Variants in PHACTR2 observed in about 807,000 individuals in gnomAD.
PHACTR2 encodes the protein chromosome 6 open reading frame 56.
PHACTR2 carries 30 observed loss-of-function variants against 76.0 expected under a neutral mutation model. That is an observed-to-expected ratio of 0.39 (90% CI 0.30 to 0.54). The LOEUF is 0.54. Ranked by LOEUF, PHACTR2 falls within the 20% of genes least tolerant of loss-of-function variation. The pLI is 0.61. For synonymous variants in PHACTR2, 292 were observed against 292.5 expected (o/e 1.00, Z 0.02); for missense variants, 696 against 781.1 (o/e 0.89, Z 1.30).
At chr6:143,746,326 T>C (rs1320496032) in intron 2 of PHACTR2, among the ~76,000 whole-genome samples, 3 of 152,262 alleles carry the variant, frequency 2.0e-5, no homozygotes, top group African/African-American at 7.2e-5. Flanking sequence ...GGCAGCCATT[T>C]TGTGTTTTGG....
At position 143,608,235 on chromosome 6, in the gene PHACTR2, G is replaced by A; in HGVS notation, c.-75G>A. 1 of 1,494,054 alleles carries A rather than the reference G, an allele frequency of 6.7e-7. No individual in the cohort carries two copies. The highest frequency in any genetic ancestry group is 9.3e-7 in the Non-Finnish European group (1 of 1,072,162). The allele number at this position is 1,494,054 out of a possible 1,614,324, so 92.5% of individuals were successfully genotyped here. A position where few individuals can be genotyped will look rare whatever the true frequency, so the allele number is the denominator to read the frequency against. On this transcript the variant is annotated 5_prime_UTR_variant, in exon 1 of 12. Transcript: ENST00000305766. This position sits in a 1 kb window ranked among gnomAD's most constrained non-coding sequence, Gnocchi z 4.6. ...AGGGCTGATAATCAGCAGAAGGACAGGGTGCTTCGTTAGTCAGAAGAGCCA... is the reference window on the plus strand; with the variant it reads ...AGGGCTGATAATCAGCAGAAGGACAAGGTGCTTCGTTAGTCAGAAGAGCCA...
Position 143,550,010 on chromosome 6 carries a change from C to T in PHACTR2, c.217+12803C>T, listed in dbSNP as rs1305618427. On this transcript the variant is annotated intron_variant, in intron 1 of 11. Transcript: ENST00000367584. This position sits in a 1 kb window ranked among gnomAD's most constrained non-coding sequence, Gnocchi z 4.8. ...TTACACCAGAAAGTGCCAAGGCTAC[C>T]ATTTTTTGCTAGGTGGGAGTTGGAG... Among the ~76,000 whole-genome samples the T allele has an allele frequency of 2.6e-5, 4 of 151,974 alleles. No individual in the cohort carries two copies. Among genetic ancestry groups the T allele is most frequent in the African/African-American group, 9.7e-5 (4 of 41,418 alleles).
rs535010983 is a variant in PHACTR2, at chr6:143,638,286, T to C, written c.13+29964T>C. ...CAGGTGCAGTGGCTCATGCCTATCA[T>C]CCCAGCACTTTGGGAAGCCAAGGTG... On this transcript the variant is annotated intron_variant, in intron 1 of 11. Coordinates refer to the PHACTR2 transcript ENST00000305766. Among the ~76,000 whole-genome samples, 34 of 152,246 alleles carry C rather than the reference T, an allele frequency of 2.2e-4. 1 individual carries two copies. The South Asian group carries it at 6.0e-3, about 27-fold the overall frequency.
At chr6:143,579,761 A>G (rs1055113754) in intron 1 of PHACTR2, among the ~76,000 whole-genome samples, 1 of 144,652 alleles carries the variant, frequency 6.9e-6, no homozygotes, top group Non-Finnish European at 1.5e-5. Flanking sequence ...TTGCTGTATG[A>G]AAAACTACCC....
At position 143,708,387 on chromosome 6, in the gene PHACTR2, C is replaced by A. The variant is rs1337109591; in HGVS notation, c.47-3629C>A. On this transcript the variant is annotated intron_variant, in intron 1 of 12. Coordinates refer to ENST00000440869, the MANE Select transcript of PHACTR2 (RefSeq NM_001100164.2). This position sits in a 1 kb window ranked among gnomAD's most constrained non-coding sequence, Gnocchi z 5.5. ...ATGCTGTGTTTTAAAATGTAGAACT[C>A]AAGTGTGAAAAGGTAAGTTCTGATG... Among the ~76,000 whole-genome samples, 1 of 152,024 alleles carries A rather than the reference C, an allele frequency of 6.6e-6. No individual in the cohort carries two copies. Among genetic ancestry groups the A allele is most frequent in the African/African-American group, 2.4e-5 (1 of 41,358 alleles).
chr6:143,690,771 C>A (rs562899799), intron 1 of PHACTR2, among the ~76,000 whole-genome samples: 1 of 152,204 alleles, frequency 6.6e-6, no homozygotes, highest in South Asian at 2.1e-4. Flanking sequence ...ATTTTATGGA[C>A]GTTTAAAAGT....
At chr6:143,552,068 G>A (rs768010609) in intron 1 of PHACTR2, among the ~76,000 whole-genome samples, 7 of 152,188 alleles carry the variant, frequency 4.6e-5, no homozygotes, top group Non-Finnish European at 1.0e-4. Context: ...ACTTTGAGTA[G>A]TAGACTTTTG....
Position 143,634,263 on chromosome 6 carries a change from T to C in PHACTR2, c.13+25941T>C, listed in dbSNP as rs1244351194. 3.9e-5 allele frequency among the ~76,000 whole-genome samples: 6 copies of C among 152,228 alleles called. No individual in the cohort carries two copies. The East Asian group carries it at 1.2e-3, about 29-fold the overall frequency. Reference sequence around the variant, plus strand: ...GTCCTAATATATGTTCTAAGTTCTCTTCTGGAAAGTTACATCTTAAGAATG... The same window carrying C: ...GTCCTAATATATGTTCTAAGTTCTCCTCTGGAAAGTTACATCTTAAGAATG... On this transcript the variant is annotated intron_variant, in intron 1 of 11. Transcript: ENST00000305766.
chr6:143,726,445 C>G (rs950904564), intron 2 of PHACTR2, among the ~76,000 whole-genome samples: 2 of 152,166 alleles, frequency 1.3e-5, no homozygotes, highest in East Asian at 3.8e-4. Context: ...TTTGCCCCCC[C>G]AGTAACCCAC....
intron 6 of PHACTR2, among the ~76,000 whole-genome samples, chr6:143,771,156 A>ATATG (rs1187035666): frequency 2.7e-4 from 11 of 40,158 alleles, no homozygotes; most frequent in African/African-American, 1.3e-3. Context: ...ATATATATAT[A>ATATG]TGTATATATA....
rs1350415580 is a variant in PHACTR2, at chr6:143,783,295, A to G, written c.1707+15A>G. ...TCAGCAGAAAGGTAATGAAATCATA[A>G]CTATTAATGAGCATATGTGTTTTGA... On this transcript the variant is annotated intron_variant, in intron 10 of 12. Coordinates refer to ENST00000440869, the MANE Select transcript of PHACTR2 (RefSeq NM_001100164.2). The surrounding 1 kb of genome is among the most constrained non-coding windows in gnomAD (Gnocchi z 5.2). The G allele has an allele frequency of 3.3e-6, 5 of 1,534,218 alleles. No homozygotes were observed. Among genetic ancestry groups the G allele is most frequent in the Non-Finnish European group, 4.5e-6 (5 of 1,108,564 alleles).
In PHACTR2 at chr6:143,824,751, T is replaced by G. The variant is rs1417535537; in HGVS notation, c.*1062T>G. On this transcript the variant is annotated 3_prime_UTR_variant, in exon 13 of 13. Transcript: ENST00000440869. The surrounding 1 kb of genome is among the most constrained non-coding windows in gnomAD (Gnocchi z 6.3). ...GACTAGTTATTTTTTTAGTGCTGCA[T>G]TTTTTTAAAGTTGGATTGCTGCTAT... The G allele has an allele frequency of 6.6e-6, 1 of 152,310 alleles. No homozygotes were observed. The highest frequency in any genetic ancestry group is 2.4e-5 in the African/African-American group (1 of 41,342). The allele number at this position is 152,310 out of a possible 1,614,324, so 9.4% of individuals were successfully genotyped here. A position where few individuals can be genotyped will look rare whatever the true frequency, so the allele number is the denominator to read the frequency against.
Position 143,554,530 on chromosome 6 carries a change from A to G in PHACTR2, c.217+17323A>G, listed in dbSNP as rs886646290. The G allele has an allele frequency of 1.3e-5, 2 of 152,316 alleles. No individual in the cohort carries two copies. Among genetic ancestry groups the G allele is most frequent in the African/African-American group, 4.8e-5 (2 of 41,448 alleles). 9.4% of individuals were successfully genotyped at this position (152,316 alleles called of 1,614,324 possible). The stretch of plus-strand genomic sequence containing the variant: ...CAGTGGATGGAAAATTACTAAAAGG[A>G]AACGTCAGCGTTAGAGCAGTCTTGC... On this transcript the variant is annotated intron_variant, in intron 1 of 11. Coordinates refer to the PHACTR2 transcript ENST00000367584. This position sits in a 1 kb window ranked among gnomAD's most constrained non-coding sequence, Gnocchi z 5.9.
At chr6:143,660,907 G>C (rs2128448332) in intron 1 of PHACTR2, among the ~76,000 whole-genome samples, 1 of 152,232 alleles carries the variant, frequency 6.6e-6, no homozygotes, top group South Asian at 2.1e-4. Flanking sequence ...AGAATACAGA[G>C]ACAAACAGAG....
intron 2 of PHACTR2, among the ~76,000 whole-genome samples, chr6:143,747,114 C>T (rs1441630070): frequency 6.6e-6 from 1 of 152,108 alleles, no homozygotes; most frequent in African/African-American, 2.4e-5. Context: ...CAGTAAAGAG[C>T]TTATATATTG....
In PHACTR2 at chr6:143,767,763, G is replaced by A. The variant is rs1172247611; in HGVS notation, c.1232+1965G>A. Among the ~76,000 whole-genome samples, 2 of 152,174 alleles carry A rather than the reference G, an allele frequency of 1.3e-5. No homozygotes were observed. The highest frequency in any genetic ancestry group is 2.9e-5 in the Non-Finnish European group (2 of 68,026). On this transcript the variant is annotated intron_variant, in intron 6 of 12. Coordinates refer to ENST00000440869, the MANE Select transcript of PHACTR2 (RefSeq NM_001100164.2). The surrounding 1 kb of genome is among the most constrained non-coding windows in gnomAD (Gnocchi z 4.4). Reference sequence around the variant, plus strand: ...GCATTAATCTATTCACGAGGGCAGAGCCTTCATGACTTAAACACCTCCCAC... The same window carrying A: ...GCATTAATCTATTCACGAGGGCAGAACCTTCATGACTTAAACACCTCCCAC...
chr6:143,701,998 A>G (rs1171332168), intron 1 of PHACTR2, among the ~76,000 whole-genome samples: 1 of 152,158 alleles, frequency 6.6e-6, no homozygotes, highest in East Asian at 1.9e-4. Flanking sequence ...AGGGCTGATT[A>G]AGTAGCAGAG....
chr6:143,763,380 T>C (rs1779483070), intron 5 of PHACTR2, among the ~76,000 whole-genome samples: 2 of 152,060 alleles, frequency 1.3e-5, no homozygotes, highest in South Asian at 2.1e-4. Context: ...AAAAAAAGAA[T>C]TTTCTTTAAC....
chr6:143,583,693 A>G lies in PHACTR2; in HGVS notation c.217+46486A>G, dbSNP rs979321740. On this transcript the variant is annotated intron_variant, in intron 1 of 11. Coordinates refer to the PHACTR2 transcript ENST00000367584. This position sits in a 1 kb window ranked among gnomAD's most constrained non-coding sequence, Gnocchi z 4.0. ...GCTTGATTTTGCCAGTTATACACCC[A>G]AAGACTTTGGACATTGGTGTGGAAA... 1.3e-5 allele frequency among the ~76,000 whole-genome samples: 2 copies of G among 152,242 alleles called. No individual in the cohort carries two copies. The highest frequency in any genetic ancestry group is 2.9e-5 in the Non-Finnish European group (2 of 68,046).
Sources: allele counts gnomAD v4.1 joint callset (sites outside exome capture counted in the v4.1 genomes callset), GRCh38; gene constraint gnomAD v4.1.1; non-coding constraint Gnocchi (gnomAD v3.1); transcripts MANE v1.5; gene names NCBI Gene and HGNC (gene_info 2026-07-23, HGNC 2026-07-21).